The following KIF13A variants were observed in gnomAD, a reference collection of about 807,000 sequenced individuals.
The protein encoded by KIF13A is kinesin family member 13A.
KIF13A carries 79 observed loss-of-function variants against 212.2 expected under a neutral mutation model. That is an observed-to-expected ratio of 0.37 (90% CI 0.31 to 0.45). The LOEUF (loss-of-function observed/expected upper bound fraction) is 0.45. Among genes scored for constraint, KIF13A ranks in the 20% least tolerant of loss-of-function variants. KIF13A has a pLI of 1.00. For missense variants in KIF13A, 1,901 were observed against 2,209.0 expected (o/e 0.86, Z 2.79); for synonymous variants, 789 against 808.6 (o/e 0.98, Z 0.41).
At chr6:17,805,829 C>A (rs551241798) in intron 18 of KIF13A, among the ~76,000 whole-genome samples, 1 of 151,982 alleles carries the variant, frequency 6.6e-6, no homozygotes, top group Non-Finnish European at 1.5e-5. Context: ...CGATCAAGAC[C>A]AAACAAAAGT....
At position 17,926,727 on chromosome 6, in the gene KIF13A, T is replaced by TA. The variant is rs540492630; in HGVS notation, c.147-28548_147-28547insT. 1.5e-3 allele frequency among the ~76,000 whole-genome samples: 224 copies of TA among 152,282 alleles called. 1 individual carries two copies. Among genetic ancestry groups the TA allele is most frequent in the African/African-American group, 5.2e-3 (214 of 41,552 alleles). ...CTCAGAGTGTAATAAGTGGAGAATG[T>TA]TTAAGTATATTAGGATATATTCAGA... On this transcript the variant is annotated intron_variant, in intron 2 of 38. Transcript: ENST00000259711. The surrounding 1 kb of genome is among the most constrained non-coding windows in gnomAD (Gnocchi z 4.3).
In KIF13A at chr6:17,804,445, G is replaced by A. The variant is rs765938853; in HGVS notation, c.2370C>T (p.Ile790=). 13 of 1,583,280 alleles carry A rather than the reference G, an allele frequency of 8.2e-6. No individual in the cohort carries two copies. Among genetic ancestry groups the A allele is most frequent in the Middle Eastern group, 1.7e-4 (1 of 6,044 alleles). The part of the protein sequence containing the change: ...FYEAQENHNL[I]GVANVFLECL... ...ATTCCAAGAATACATTCGCCACCCC[G>A]ATGAGGTTGTGATTTTCTTGGGCTT... The change falls in exon 20 of 39, where the codon ATC becomes ATT. Residue 790 remains isoleucine, a synonymous_variant. Transcript: ENST00000259711.
Position 17,777,295 on chromosome 6 carries a change from A to C in KIF13A, c.4152T>G (p.Ser1384Arg). The change falls in exon 34 of 39, where the codon AGT (serine) becomes AGG (arginine). Residue 1384 changes from serine to arginine, a missense_variant. Transcript: ENST00000259711. This position sits in a 1 kb window ranked among gnomAD's most constrained non-coding sequence, Gnocchi z 4.4. ...TKARHIRRSL[S>R]TPNVHNVSSS... ...CACTTACATTATGAACATTTGGTGTACTGAGGCTCCTCCGAATGTGCCGGG... is the reference window on the plus strand; with the variant it reads ...CACTTACATTATGAACATTTGGTGTCCTGAGGCTCCTCCGAATGTGCCGGG... 4 of 1,613,040 alleles carry C rather than the reference A, an allele frequency of 2.5e-6. No individual in the cohort carries two copies. Among genetic ancestry groups the C allele is most frequent in the Non-Finnish European group, 3.4e-6 (4 of 1,179,388 alleles).
At chr6:17,859,857 G>C (rs142383571) in intron 4 of KIF13A, among the ~76,000 whole-genome samples, 1 of 151,570 alleles carries the variant, frequency 6.6e-6, no homozygotes, top group Non-Finnish European at 1.5e-5. Flanking sequence ...GGCTGGTCTC[G>C]AACTCCTGAC....
chr6:17,890,404 C>T (rs1341563995), intron 3 of KIF13A, among the ~76,000 whole-genome samples: 1 of 152,036 alleles, frequency 6.6e-6, no homozygotes, highest in African/African-American at 2.4e-5. Context: ...TTGGAACATG[C>T]CAGATATTCT....
At chr6:17,877,998 G>C (rs1770723518) in intron 3 of KIF13A, among the ~76,000 whole-genome samples, 2 of 152,314 alleles carry the variant, frequency 1.3e-5, no homozygotes, top group Admixed American at 1.3e-4. Flanking sequence ...AATTATAGCA[G>C]TCAAAAAACA....
At position 17,914,001 on chromosome 6, in the gene KIF13A, C is replaced by G. The variant is rs369452786; in HGVS notation, c.147-15821G>C. Among the ~76,000 whole-genome samples, 1 of 152,154 alleles carries G rather than the reference C, an allele frequency of 6.6e-6. No homozygotes were observed. The highest frequency in any genetic ancestry group is 2.4e-5 in the African/African-American group (1 of 41,444). On this transcript the variant is annotated intron_variant, in intron 2 of 38. Coordinates refer to ENST00000259711, the MANE Select transcript of KIF13A (RefSeq NM_022113.6). This position sits in a 1 kb window ranked among gnomAD's most constrained non-coding sequence, Gnocchi z 5.9. The stretch of plus-strand genomic sequence containing the variant: ...TTCCAAGGTATGGGCCACAATCTCA[C>G]CTTCCTTTAGAGGTCACATGCCACG...
At chr6:17,965,168 G>C (rs1279508687) in intron 2 of KIF13A, among the ~76,000 whole-genome samples, 1 of 152,124 alleles carries the variant, frequency 6.6e-6, no homozygotes, top group Non-Finnish European at 1.5e-5. Flanking sequence ...TGTCCCAAAT[G>C]AAAAGGTTAC....
At position 17,825,777 on chromosome 6, in the gene KIF13A, T is replaced by G; in HGVS notation, c.1777A>C (p.Asn593His). 1 of 1,613,656 alleles carries G rather than the reference T, an allele frequency of 6.2e-7. No individual in the cohort carries two copies. Among genetic ancestry groups the G allele is most frequent in the Non-Finnish European group, 8.5e-7 (1 of 1,179,790 alleles). Residue 593 changes from asparagine (N) to histidine (H), a missense_variant, in exon 16 of 39, where the codon AAT (asparagine) becomes CAT (histidine). Asn to His is a moderately conservative substitution (Grantham distance 68, BLOSUM62 1). Coordinates refer to ENST00000259711, the MANE Select transcript of KIF13A (RefSeq NM_022113.6). The surrounding 1 kb of genome is among the most constrained non-coding windows in gnomAD (Gnocchi z 4.5). ...AQMEVIMKTL[N>H]SNDPVQNVVQ... ...AGAGTGAGGGTCTTACCATTACTAT[T>G]CAGGGTTTTCATGATAACTTCCATC...
At chr6:17,954,650 A>AT (rs962617548) in intron 2 of KIF13A, among the ~76,000 whole-genome samples, 1 of 152,084 alleles carries the variant, frequency 6.6e-6, no homozygotes, top group Non-Finnish European at 1.5e-5. Flanking sequence ...TATTACATGC[A>AT]TTTTTACAAG....
At chr6:17,922,272 C>A (rs1775140676) in intron 2 of KIF13A, among the ~76,000 whole-genome samples, 1 of 152,126 alleles carries the variant, frequency 6.6e-6, no homozygotes, top group Admixed American at 6.5e-5. Flanking sequence ...GGAAAGCCAA[C>A]AATTTGGAAA....
intron 3 of KIF13A, among the ~76,000 whole-genome samples, chr6:17,880,838 T>A (rs1770999525): frequency 6.6e-6 from 1 of 152,006 alleles, no homozygotes; most frequent in South Asian, 2.1e-4. Flanking sequence ...CAAGTTAGTA[T>A]CGAACTCCTG....
At chr6:17,808,651 C>A in intron 18 of KIF13A, 117 bp downstream of exon 18, 1 of 880,846 alleles carries the variant, frequency 1.1e-6, no homozygotes, top group Non-Finnish European at 1.7e-6. Flanking sequence ...AAAAAATAAA[C>A]ATCTCTGGCT....
chr6:17,925,792 C>A (rs889990673), intron 2 of KIF13A, among the ~76,000 whole-genome samples: 4 of 152,140 alleles, frequency 2.6e-5, no homozygotes, highest in African/African-American at 9.7e-5. Context: ...ATGACGAAGG[C>A]AAACAGTGTT....
intron 2 of KIF13A, among the ~76,000 whole-genome samples, chr6:17,983,351 C>T (rs2150646730): frequency 6.6e-6 from 1 of 152,158 alleles, no homozygotes; most frequent in South Asian, 2.1e-4. Context: ...GTAGGGATGA[C>T]AGCAGGGGTG....
Position 17,816,994 on chromosome 6 carries a change from T to C in KIF13A, c.2000+26A>G, listed in dbSNP as rs1237900976. On this transcript the variant is annotated intron_variant, in intron 17 of 38. Coordinates refer to ENST00000259711, the MANE Select transcript of KIF13A (RefSeq NM_022113.6). The surrounding 1 kb of genome is among the most constrained non-coding windows in gnomAD (Gnocchi z 4.3). ...ACCCACGGCCTTGGGGCCTTGACTC[T>C]GGGCTGCCCCCGCTGCAGTTCTTAC... The C allele has an allele frequency of 1.3e-6, 2 of 1,584,064 alleles. No homozygotes were observed. Among genetic ancestry groups the C allele is most frequent in the Non-Finnish European group, 1.7e-6 (2 of 1,165,470 alleles).
chr6:17,787,666 A>ACAG lies in KIF13A; in HGVS notation c.3361+109_3361+110insCTG. 1.4e-6 allele frequency: 1 copy of ACAG among 701,822 alleles called. No homozygotes were observed. The highest frequency in any genetic ancestry group is 2.5e-6 in the Non-Finnish European group (1 of 394,746). The allele number at this position is 701,822 out of a possible 1,614,324, so 43.5% of individuals were successfully genotyped here. A position where few individuals can be genotyped will look rare whatever the true frequency, so the allele number is the denominator to read the frequency against. ...ACCCTGTCTTAAAACAACAACAACAACAACAACAAAAATAAGATACTACTG... is the reference window on the plus strand; with the variant it reads ...ACCCTGTCTTAAAACAACAACAACAACAGCAACAACAAAAATAAGATACTACTG... On this transcript the variant is annotated intron_variant, in intron 27 of 38. Transcript: ENST00000259711. This position sits in a 1 kb window ranked among gnomAD's most constrained non-coding sequence, Gnocchi z 4.6.
rs1310573264 is a variant in KIF13A at position 17,850,155 on chromosome 6, T to C, written c.717+168A>G. ...ATCCAATTTTTTAAAAAGTCAAATA[T>C]AAAGAAAGACCTAACAAATTAAATG... On this transcript the variant is annotated intron_variant, in intron 8 of 38. Coordinates refer to ENST00000259711, the MANE Select transcript of KIF13A (RefSeq NM_022113.6). This position sits in a 1 kb window ranked among gnomAD's most constrained non-coding sequence, Gnocchi z 6.2. 6.6e-6 allele frequency among the ~76,000 whole-genome samples: 1 copy of C among 152,054 alleles called. No homozygotes were observed. The highest frequency in any genetic ancestry group is 1.5e-5 in the Non-Finnish European group (1 of 68,012).
At chr6:17,867,038 G>A (rs950409328) in intron 4 of KIF13A, among the ~76,000 whole-genome samples, 4 of 151,788 alleles carry the variant, frequency 2.6e-5, no homozygotes, top group African/African-American at 9.7e-5. Context: ...AATGCCCCCT[G>A]CATGCTAAAT....
Sources: gnomAD v4.1 joint callset for allele counts (sites outside exome capture counted in the v4.1 genomes callset) on GRCh38, gnomAD v4.1.1 for gene constraint, Gnocchi (gnomAD v3.1) non-coding constraint, MANE v1.5 for transcripts, NCBI Gene and HGNC (gene_info 2026-07-23, HGNC 2026-07-21) for gene names.